The following LRMDA variants were observed in gnomAD, a reference collection of about 807,000 sequenced individuals.
LRMDA encodes the protein leucine-rich melanocyte differentiation-associated protein.
Under a neutral mutation model 29.8 loss-of-function variants are expected in LRMDA, and 18 were observed. That is an observed-to-expected ratio of 0.60 (90% confidence interval 0.42 to 0.90). LRMDA has a LOEUF of 0.90. Among genes scored for constraint, LRMDA ranks in the 40% least tolerant of loss-of-function variants. The probability of loss-of-function intolerance (pLI) is 0.00; values close to 1 mark genes in which losing one functional copy is unlikely to be tolerated. For synonymous variants in LRMDA, 125 were observed against 109.4 expected (o/e 1.14, Z -0.89); for missense variants, 273 against 273.9 (o/e 1.00, Z 0.02).
chr10:75,837,810 C>A (rs1401337766), intron 2 of LRMDA, among the ~76,000 whole-genome samples: 1 of 151,828 alleles, frequency 6.6e-6, no homozygotes, highest in Non-Finnish European at 1.5e-5. Flanking sequence ...TTCTCGGAAT[C>A]TGTGGAGTAG....
intron 6 of LRMDA, among the ~76,000 whole-genome samples, chr10:76,381,100 C>T (rs573543421): frequency 4.7e-5 from 7 of 149,862 alleles, no homozygotes; most frequent in South Asian, 4.2e-4. Flanking sequence ...TTCCCAAGCC[C>T]GTAATGTTTT....
intron 5 of LRMDA, among the ~76,000 whole-genome samples, chr10:76,152,866 A>T (rs1850470623): frequency 6.6e-6 from 1 of 151,362 alleles, no homozygotes; most frequent in East Asian, 1.9e-4. Flanking sequence ...TTTGAGACAG[A>T]GTATCACTCT....
chr10:75,966,816 T>C (rs1470805192), intron 2 of LRMDA, among the ~76,000 whole-genome samples: 1 of 152,224 alleles, frequency 6.6e-6, no homozygotes, highest in Non-Finnish European at 1.5e-5. Context: ...CAGGCTATGC[T>C]TACCTTGTTT....
chr10:75,697,599 T>A (rs900787201), intron 2 of LRMDA, among the ~76,000 whole-genome samples: 1 of 152,006 alleles, frequency 6.6e-6, no homozygotes, highest in African/African-American at 2.4e-5. Context: ...GATTCTTAAG[T>A]CACTAATGTC....
chr10:76,445,878 C>A (rs1301792287), intron 6 of LRMDA, among the ~76,000 whole-genome samples: 1 of 151,794 alleles, frequency 6.6e-6, no homozygotes, highest in Non-Finnish European at 1.5e-5. Flanking sequence ...TTTCCCAATT[C>A]AACTGAATAT....
chr10:76,147,564 G>T (rs897306614), intron 5 of LRMDA, among the ~76,000 whole-genome samples: 11 of 151,898 alleles, frequency 7.2e-5, no homozygotes, highest in African/African-American at 2.7e-4. Context: ...CTCTGCATTG[G>T]TTATTCTAGT....
chr10:75,583,684 A>G (rs567984429), intron 2 of LRMDA, among the ~76,000 whole-genome samples: 69 of 152,012 alleles, frequency 4.5e-4, no homozygotes, highest in Non-Finnish European at 9.6e-4. Context: ...GCCCACCATC[A>G]GCTTTCTCCT....
chr10:76,036,304 C>T (rs1848244949), intron 3 of LRMDA, among the ~76,000 whole-genome samples, 170 bp downstream of exon 3: 1 of 152,182 alleles, frequency 6.6e-6, no homozygotes, highest in African/African-American at 2.4e-5. Flanking sequence ...TCTTCTGGCA[C>T]TCGGGACACT....
intron 2 of LRMDA, among the ~76,000 whole-genome samples, chr10:75,569,636 A>G (rs1189359655): frequency 3.3e-5 from 5 of 152,250 alleles, no homozygotes; most frequent in Admixed American, 2.6e-4. Context: ...AGCAGGTGCT[A>G]TATATCAAGC....
chr10:75,738,796 T>A (rs1329892607), intron 2 of LRMDA, among the ~76,000 whole-genome samples: 1 of 152,186 alleles, frequency 6.6e-6, no homozygotes, highest in Non-Finnish European at 1.5e-5. Context: ...ATATGCTTGA[T>A]TGCCAGAGGT....
At chr10:76,259,811 C>T (rs1344394592) in intron 5 of LRMDA, among the ~76,000 whole-genome samples, 1 of 151,746 alleles carries the variant, frequency 6.6e-6, no homozygotes, top group African/African-American at 2.4e-5. Context: ...TTAATTGATC[C>T]CTTTGTTATC....
chr10:76,161,975 A>G (rs1279084609), intron 5 of LRMDA, among the ~76,000 whole-genome samples: 1 of 152,234 alleles, frequency 6.6e-6, no homozygotes, highest in Non-Finnish European at 1.5e-5. Context: ...TTTAGTAACT[A>G]AATTTACAGT....
chr10:76,246,208 A>G (rs1852373055), intron 5 of LRMDA, among the ~76,000 whole-genome samples: 1 of 152,324 alleles, frequency 6.6e-6, no homozygotes, highest in South Asian at 2.1e-4. Flanking sequence ...AAGGGAACCC[A>G]AGGCCCACTG....
chr10:76,467,072 G>A (rs928262962), intron 6 of LRMDA, among the ~76,000 whole-genome samples: 3 of 152,104 alleles, frequency 2.0e-5, no homozygotes, highest in African/African-American at 7.2e-5. Context: ...ATAAATCTAA[G>A]CACACATCCT....
chr10:75,854,649 T>C (rs1247533841), intron 2 of LRMDA, among the ~76,000 whole-genome samples: 2 of 152,124 alleles, frequency 1.3e-5, no homozygotes, highest in Non-Finnish European at 2.9e-5. Context: ...ACATGTGCCA[T>C]GTTGGTGTGC....
chr10:76,327,450 C>T (rs910727567), intron 6 of LRMDA, among the ~76,000 whole-genome samples: 4 of 152,172 alleles, frequency 2.6e-5, no homozygotes, highest in African/African-American at 7.2e-5. Context: ...TTACATATCA[C>T]AGCTCCAAAG....
intron 2 of LRMDA, among the ~76,000 whole-genome samples, chr10:75,893,621 T>C (rs1004536911): frequency 6.6e-6 from 1 of 152,094 alleles, no homozygotes; most frequent in Non-Finnish European, 1.5e-5. Flanking sequence ...AGCCCCAGAC[T>C]CATTGGGCAT....
At chr10:76,271,289 T>G (rs1471532961) in intron 5 of LRMDA, among the ~76,000 whole-genome samples, 1 of 152,070 alleles carries the variant, frequency 6.6e-6, no homozygotes, top group Non-Finnish European at 1.5e-5. Flanking sequence ...GCACCTGTAA[T>G]CCCAGCTACT....
At chr10:76,180,900 G>A (rs527795559) in intron 5 of LRMDA, among the ~76,000 whole-genome samples, 2 of 152,266 alleles carry the variant, frequency 1.3e-5, no homozygotes, top group South Asian at 4.1e-4. Context: ...TCTGAGTTTA[G>A]GGGTGGGAAC....
Sources: allele counts gnomAD v4.1 joint callset (sites outside exome capture counted in the v4.1 genomes callset), GRCh38; gene constraint gnomAD v4.1.1; transcripts MANE v1.5; gene names NCBI Gene and HGNC (gene_info 2026-07-23, HGNC 2026-07-21).